The following FNIP2 variants were observed in gnomAD, a reference collection of about 807,000 sequenced individuals.
The protein encoded by FNIP2 is folliculin-interacting protein 2.
A neutral mutation model predicts 108.7 loss-of-function variants in FNIP2; 32 were observed. The observed-to-expected ratio is 0.29, with a 90% CI of 0.22 to 0.40. The LOEUF (loss-of-function observed/expected upper bound fraction) is 0.40. FNIP2 is among the 10% of genes least tolerant of loss of function. FNIP2 has a pLI of 1.00. For missense variants in FNIP2, 1,202 were observed against 1,381.6 expected (o/e 0.87, Z 2.06); for synonymous variants, 480 against 496.7 (o/e 0.97, Z 0.45).
intron 8 of FNIP2, among the ~76,000 whole-genome samples, chr4:158,857,441 T>G (rs1463644880): frequency 1.3e-5 from 2 of 152,190 alleles, no homozygotes; most frequent in Non-Finnish European, 2.9e-5. Flanking sequence ...CTCTGATGAT[T>G]AGAATCCGGG....
chr4:158,806,783 TTAG>T (rs1409849567), intron 1 of FNIP2, among the ~76,000 whole-genome samples: 2 of 152,084 alleles, frequency 1.3e-5, no homozygotes, highest in Non-Finnish European at 2.9e-5. Context: ...AGCAGCACAG[TTAG>T]TAGATGGGGC....
At chr4:158,862,279 A>G (rs776163584) in intron 12 of FNIP2, among the ~76,000 whole-genome samples, 5 of 152,176 alleles carry the variant, frequency 3.3e-5, no homozygotes, top group East Asian at 1.9e-4. Flanking sequence ...AACAATAATG[A>G]AAGCTGACAC....
intron 1 of FNIP2, among the ~76,000 whole-genome samples, chr4:158,785,812 G>A (rs1008363267): frequency 6.6e-6 from 1 of 151,164 alleles, no homozygotes; most frequent in Non-Finnish European, 1.5e-5. Context: ...AAATGTATGG[G>A]GTATTTTATT....
chr4:158,779,824 TC>T (rs1456562208), intron 1 of FNIP2, among the ~76,000 whole-genome samples: 1 of 151,262 alleles, frequency 6.6e-6, no homozygotes, highest in Non-Finnish European at 1.5e-5. Flanking sequence ...CTCAAGTGAT[TC>T]CCCCACCCTG....
In FNIP2 at chr4:158,877,229, C is replaced by T. The variant is rs1005285757; in HGVS notation, c.2949+6760C>T. Among the ~76,000 whole-genome samples the T allele has an allele frequency of 5.9e-5, 9 of 152,278 alleles. No homozygotes were observed. In the South Asian group the frequency reaches 6.2e-4, roughly 11 times the overall value. On this transcript the variant is annotated intron_variant, in intron 14 of 16. Coordinates refer to ENST00000264433, the MANE Select transcript of FNIP2 (RefSeq NM_020840.3). ...GTTATGTACGGTATCTTCAAGGCCA[C>T]GGATTGAATTTGGGCCCTAATCAGG...
intron 12 of FNIP2, among the ~76,000 whole-genome samples, chr4:158,862,126 G>A (rs988041645): frequency 2.0e-5 from 3 of 152,070 alleles, no homozygotes; most frequent in Non-Finnish European, 4.4e-5. Context: ...GCTCTCTTAC[G>A]CATTAATGGA....
intron 10 of FNIP2, among the ~76,000 whole-genome samples, chr4:158,860,374 A>G (rs1463594150): frequency 6.6e-6 from 1 of 152,248 alleles, no homozygotes; most frequent in East Asian, 1.9e-4. Context: ...CTTAAAGTAT[A>G]TGCTGATGAA....
At chr4:158,897,071 G>A (rs575396670) in intron 16 of FNIP2, among the ~76,000 whole-genome samples, 4 of 150,812 alleles carry the variant, frequency 2.7e-5, no homozygotes, top group South Asian at 2.1e-4. Context: ...CAACTCCCAC[G>A]TATGAGGGAG....
chr4:158,770,507 C>T (rs867233022), intron 1 of FNIP2, among the ~76,000 whole-genome samples: 20 of 152,200 alleles, frequency 1.3e-4, no homozygotes, highest in Middle Eastern at 3.4e-3. Context: ...TTCTTGAATT[C>T]CATCATTTAA....
intron 14 of FNIP2, among the ~76,000 whole-genome samples, chr4:158,885,605 C>T (rs1375687301): frequency 6.6e-6 from 1 of 152,196 alleles, no homozygotes; most frequent in East Asian, 1.9e-4. Context: ...TTCAGGACAG[C>T]AGGACGAACA....
chr4:158,843,231 A>G (rs199649127), intron 7 of FNIP2, among the ~76,000 whole-genome samples: 5 of 149,926 alleles, frequency 3.3e-5, no homozygotes, highest in East Asian at 3.9e-4. Context: ...TAATGAAGAC[A>G]GGGGAAAAAA....
At chr4:158,873,283 A>G (rs1781065268) in intron 14 of FNIP2, among the ~76,000 whole-genome samples, 1 of 152,198 alleles carries the variant, frequency 6.6e-6, no homozygotes, top group Admixed American at 6.5e-5. Flanking sequence ...GATTCCAGTT[A>G]TTGATCTCTT....
At chr4:158,861,512 T>A (rs1048015256) in intron 11 of FNIP2, 24 bp downstream of exon 11, 2 of 1,613,840 alleles carry the variant, frequency 1.2e-6, no homozygotes, top group African/African-American at 2.7e-5. Flanking sequence ...CTCTGGAGAC[T>A]TGTATGCAAA....
Position 158,797,698 on chromosome 4 carries a change from C to T in FNIP2, c.108-28218C>T, listed in dbSNP as rs141473345. ...TGGGTGTCAGAGCAAGACCCTGTCT[C>T]AAAACAAAACAAAACAAAACAAAAA... On this transcript the variant is annotated intron_variant, in intron 1 of 16. Coordinates refer to ENST00000264433, the MANE Select transcript of FNIP2 (RefSeq NM_020840.3). Among the ~76,000 whole-genome samples, 6 of 152,048 alleles carry T rather than the reference C, an allele frequency of 3.9e-5. No individual in the cohort carries two copies. In the East Asian group the frequency reaches 1.2e-3, roughly 29 times the overall value.
intron 1 of FNIP2, among the ~76,000 whole-genome samples, chr4:158,801,992 C>T (rs1776779314): frequency 6.6e-6 from 1 of 152,138 alleles, no homozygotes; most frequent in African/African-American, 2.4e-5. Context: ...AGCTTGCACA[C>T]CCCCTTACCT....
chr4:158,797,414 G>T (rs1010498141), intron 1 of FNIP2, among the ~76,000 whole-genome samples: 1 of 152,182 alleles, frequency 6.6e-6, no homozygotes, highest in African/African-American at 2.4e-5. Context: ...AAAACACTGG[G>T]CTTTGCTGGG....
At position 158,905,978 on chromosome 4, in the gene FNIP2, G is replaced by A. The variant is rs1213543940; in HGVS notation, c.*1434G>A. 1.3e-5 allele frequency: 2 copies of A among 152,124 alleles called. No individual in the cohort carries two copies. Among genetic ancestry groups the A allele is most frequent in the African/African-American group, 4.8e-5 (2 of 41,432 alleles). 9.4% of individuals were successfully genotyped at this position (152,124 alleles called of 1,614,324 possible). ...ATTATGAAGTAATTTCCCTATTAGG[G>A]ACTAGAATGACTTCAGTTTTTTCAT... is the stretch of plus-strand genomic sequence containing the variant. On this transcript the variant is annotated 3_prime_UTR_variant, in exon 17 of 17. Coordinates refer to ENST00000264433, the MANE Select transcript of FNIP2 (RefSeq NM_020840.3).
At position 158,815,773 on chromosome 4, in the gene FNIP2, T is replaced by C. The variant is rs180750839; in HGVS notation, c.108-10143T>C. Among the ~76,000 whole-genome samples the C allele has an allele frequency of 5.3e-5, 8 of 152,310 alleles. No homozygotes were observed. The South Asian group carries it at 6.2e-4, about 12-fold the overall frequency. The stretch of plus-strand genomic sequence containing the variant: ...AAAACCCAGAGTTCTTTACCTCCAA[T>C]TTTTCCTTTTTCTAGACTTATGGTA... On this transcript the variant is annotated intron_variant, in intron 1 of 16. Transcript: ENST00000264433.
In FNIP2 at chr4:158,769,307, G is replaced by C. The variant is rs1775611800; in HGVS notation, c.95G>C (p.Gly32Ala). ...ASAQGRAPKE[G>A]PAFSWSCSEF... The stretch of plus-strand genomic sequence containing the variant: ...GCCCAGGGCAGGGCTCCTAAGGAAG[G>C]ACCCGCCTTTAGGTGAGGGGGCGCC... The change falls in exon 1 of 17, where the codon GGA becomes GCA. Residue 32 changes from glycine (G) to alanine (A), a missense_variant. By Grantham distance (60) the Gly-to-Ala change is moderately conservative. Around this residue, in one of 5 missense-constraint regions of FNIP2, gnomAD observed 173 missense variants for 165.9 expected, o/e 1.04. Transcript: ENST00000264433. 6.6e-7 allele frequency: 1 copy of C among 1,514,470 alleles called. No homozygotes were observed. Among genetic ancestry groups the C allele is most frequent in the Non-Finnish European group, 8.8e-7 (1 of 1,132,080 alleles). The allele number at this position is 1,514,470 out of a possible 1,614,324, so 93.8% of individuals were successfully genotyped here. A position where few individuals can be genotyped will look rare whatever the true frequency, so the allele number is the denominator to read the frequency against.
Sources: gnomAD v4.1 joint callset for allele counts (sites outside exome capture counted in the v4.1 genomes callset) on GRCh38, gnomAD v4.1.1 for gene constraint, gnomAD v4.1.1 regional missense constraint, MANE v1.5 for transcripts, NCBI Gene and HGNC (gene_info 2026-07-23, HGNC 2026-07-21) for gene names.